The following ZBTB16 variants were observed in gnomAD, a reference collection of about 807,000 sequenced individuals.
The protein encoded by ZBTB16 is zinc finger and BTB domain containing 16.
ZBTB16 carries 8 observed loss-of-function variants against 56.8 expected under a neutral mutation model. The observed-to-expected ratio is 0.14, with a 90% CI of 0.08 to 0.25. The LOEUF (loss-of-function observed/expected upper bound fraction) is 0.25, where lower values mean the gene tolerates loss of function less well. Ranked by LOEUF, ZBTB16 falls within the 10% of genes least tolerant of loss-of-function variation. ZBTB16 has a pLI of 1.00. For synonymous variants in ZBTB16, 363 were observed against 368.5 expected (o/e 0.98, Z 0.17); for missense variants, 625 against 903.0 (o/e 0.69, Z 3.95).
chr11:114,143,008 A>G lies in ZBTB16; in HGVS notation c.1269-13329A>G, dbSNP rs1046757072. 3.5e-4 allele frequency among the ~76,000 whole-genome samples: 54 copies of G among 152,192 alleles called. No homozygotes were observed. The highest frequency in any genetic ancestry group is 2.1e-4 in the South Asian group (1 of 4,832). ...AGTGGGGCTGTGAGGGAGGCAGAAC[A>G]GGATTTTGTTTATGGGGAAATAAAG... On this transcript the variant is annotated intron_variant, in intron 2 of 6. Transcript: ENST00000335953. This position sits in a 1 kb window ranked among gnomAD's most constrained non-coding sequence, Gnocchi z 6.4.
chr11:114,220,791 G>A (rs532798009), intron 4 of ZBTB16, among the ~76,000 whole-genome samples: 52 of 152,310 alleles, frequency 3.4e-4, no homozygotes, highest in African/African-American at 1.3e-3. Flanking sequence ...CTCTAGGGAC[G>A]GTCATGAGGA....
chr11:114,200,616 G>A (rs1488422411), intron 4 of ZBTB16, among the ~76,000 whole-genome samples: 2 of 152,164 alleles, frequency 1.3e-5, no homozygotes, highest in Admixed American at 6.5e-5. Context: ...TTCTTGGGGT[G>A]ATCTGGCAGG....
At chr11:114,190,664 G>A (rs1591766075) in intron 4 of ZBTB16, among the ~76,000 whole-genome samples, 1 of 151,774 alleles carries the variant, frequency 6.6e-6, no homozygotes, top group African/African-American at 2.4e-5. Flanking sequence ...GTGTGTACAT[G>A]TATATAAATG....
chr11:114,063,968 G>C lies in ZBTB16; in HGVS notation c.668G>C (p.Gly223Ala), dbSNP rs761432881. The C allele has an allele frequency of 1.2e-6, 2 of 1,613,742 alleles. No homozygotes were observed. Among genetic ancestry groups the C allele is most frequent in the South Asian group, 2.2e-5 (2 of 91,084 alleles). The change falls in exon 2 of 7, where the codon GGG (glycine) becomes GCG (alanine). Residue 223 changes from glycine (G) to alanine (A), a missense_variant. By Grantham distance (60) the Gly-to-Ala change is moderately conservative. Coordinates refer to ENST00000335953, the MANE Select transcript of ZBTB16 (RefSeq NM_006006.6). This position sits in a 1 kb window ranked among gnomAD's most constrained non-coding sequence, Gnocchi z 6.5. The part of the protein sequence containing the change: ...LLQGTLQPPA[G>A]PEEPTLAGGG... The stretch of plus-strand genomic sequence containing the variant: ...CAGGGAACTCTTCAGCCACCTGCAG[G>C]GCCCGAGGAGCCAACTCTGGCTGGG...
At chr11:114,190,646 C>T (rs927972220) in intron 4 of ZBTB16, among the ~76,000 whole-genome samples, 1 of 151,838 alleles carries the variant, frequency 6.6e-6, no homozygotes, top group Non-Finnish European at 1.5e-5. Context: ...CTCTGAAAAG[C>T]GGCATGGGTG....
intron 2 of ZBTB16, among the ~76,000 whole-genome samples, chr11:114,083,552 C>A (rs1939854754): frequency 1.3e-5 from 2 of 152,244 alleles, no homozygotes; most frequent in Admixed American, 1.3e-4. Flanking sequence ...TTCAGATGAG[C>A]TGAGCCCTAG....
At chr11:114,067,480 C>T (rs1436385759) in intron 2 of ZBTB16, among the ~76,000 whole-genome samples, 1 of 152,146 alleles carries the variant, frequency 6.6e-6, no homozygotes, top group African/African-American at 2.4e-5. Flanking sequence ...GATCTTGGCT[C>T]ACTGCAACCT....
At position 114,250,584 on chromosome 11, in the gene ZBTB16, G is replaced by A. The variant is rs754982750; in HGVS notation, c.*29G>A. ...GAGGCCCGCGGCGGTGGAGCCGAGC[G>A]GGGAGCCAGGAAAGAAGAGTTGGAG... is the stretch of plus-strand genomic sequence containing the variant. On this transcript the variant is annotated 3_prime_UTR_variant, in exon 7 of 7. Transcript: ENST00000335953. The surrounding 1 kb of genome is among the most constrained non-coding windows in gnomAD (Gnocchi z 6.0). 8.1e-6 allele frequency: 13 copies of A among 1,610,288 alleles called. No individual in the cohort carries two copies. Among genetic ancestry groups the A allele is most frequent in the Middle Eastern group, 1.7e-4 (1 of 6,048 alleles).
At chr11:114,069,168 C>T (rs954646965) in intron 2 of ZBTB16, among the ~76,000 whole-genome samples, 1 of 152,232 alleles carries the variant, frequency 6.6e-6, no homozygotes, top group Non-Finnish European at 1.5e-5. Context: ...TCACTGCAAG[C>T]TCTGCCTCCC....
At chr11:114,186,153 G>A (rs914827599) in intron 3 of ZBTB16, among the ~76,000 whole-genome samples, 2 of 152,124 alleles carry the variant, frequency 1.3e-5, no homozygotes, top group Non-Finnish European at 1.5e-5. Flanking sequence ...GGGGGCCCGG[G>A]TATTGAAGTT....
At chr11:114,096,578 A>T (rs116439088) in intron 2 of ZBTB16, among the ~76,000 whole-genome samples, 1 of 152,178 alleles carries the variant, frequency 6.6e-6, no homozygotes, top group African/African-American at 2.4e-5. Context: ...TTGTCTCATA[A>T]GTGTGCAGTA....
chr11:114,252,776 C>T lies in ZBTB16; in HGVS notation c.*2221C>T, dbSNP rs1158718835. Among the ~76,000 whole-genome samples, 2 of 152,096 alleles carry T rather than the reference C, an allele frequency of 1.3e-5. No individual in the cohort carries two copies. The highest frequency in any genetic ancestry group is 1.5e-5 in the Non-Finnish European group (1 of 68,026). ...GCCGGAGGGATGGGTGCTGCTGCGA[C>T]GACCCCCCCGTCCCTCGGCCCCAGC... On this transcript the variant is annotated 3_prime_UTR_variant, in exon 7 of 7. Transcript: ENST00000335953.
rs1938827267 is a variant in ZBTB16 at position 114,060,988 on chromosome 11, G to T, written c.-91+1106G>T. Among the ~76,000 whole-genome samples the T allele has an allele frequency of 6.6e-6, 1 of 152,184 alleles. No individual in the cohort carries two copies. Among genetic ancestry groups the T allele is most frequent in the African/African-American group, 2.4e-5 (1 of 41,462 alleles). ...CCTCCCCTGCCGCTCTCGCCGCGGA[G>T]TCCAGCCCGCCCGGACTGTCGCCGT... On this transcript the variant is annotated intron_variant, in intron 1 of 6. Transcript: ENST00000335953. The surrounding 1 kb of genome is among the most constrained non-coding windows in gnomAD (Gnocchi z 6.0).
At chr11:114,070,340 C>T (rs1203216947) in intron 2 of ZBTB16, among the ~76,000 whole-genome samples, 1 of 151,196 alleles carries the variant, frequency 6.6e-6, no homozygotes, top group Non-Finnish European at 1.5e-5. Flanking sequence ...GATCTCCTGA[C>T]CTCATGATCC....
At chr11:114,240,657 C>T (rs917447158) in intron 4 of ZBTB16, among the ~76,000 whole-genome samples, 22 of 152,168 alleles carry the variant, frequency 1.4e-4, no homozygotes, top group African/African-American at 4.6e-4. Flanking sequence ...ACTGAGCTGC[C>T]AGTTAGGACT....
At chr11:114,243,259 A>G (rs1944749865) in intron 5 of ZBTB16, among the ~76,000 whole-genome samples, 1 of 152,228 alleles carries the variant, frequency 6.6e-6, no homozygotes, top group Non-Finnish European at 1.5e-5. Flanking sequence ...ATCTGGGTAT[A>G]TAACAGAGCG....
rs755550882 is a variant in ZBTB16, at chr11:114,160,865, G to A, written c.1366+4431G>A. Among the ~76,000 whole-genome samples, 133 of 152,208 alleles carry A rather than the reference G, an allele frequency of 8.7e-4. 1 individual carries two copies. Among genetic ancestry groups the A allele is most frequent in the Non-Finnish European group, 8.7e-4 (59 of 68,012 alleles). ...GGTTTTGGGGGTCAGAAGGGTTTGC[G>A]TGTTGGGGAAAGAGGCTTGGGGTGG... is the stretch of plus-strand genomic sequence containing the variant. On this transcript the variant is annotated intron_variant, in intron 3 of 6. Coordinates refer to ENST00000335953, the MANE Select transcript of ZBTB16 (RefSeq NM_006006.6).
chr11:114,237,774 G>C (rs1056504002), intron 4 of ZBTB16, among the ~76,000 whole-genome samples: 4 of 152,084 alleles, frequency 2.6e-5, no homozygotes, highest in Admixed American at 6.5e-5. Context: ...TTTTTAACTC[G>C]CATGCACCAA....
intron 4 of ZBTB16, among the ~76,000 whole-genome samples, chr11:114,234,807 T>C (rs1422380283): frequency 1.3e-5 from 2 of 152,236 alleles, no homozygotes; most frequent in Non-Finnish European, 2.9e-5. Flanking sequence ...AGCCTGATGC[T>C]GCTTGCCTCT....
Sources: gnomAD v4.1 joint callset for allele counts (sites outside exome capture counted in the v4.1 genomes callset) on GRCh38, gnomAD v4.1.1 for gene constraint, Gnocchi (gnomAD v3.1) non-coding constraint, MANE v1.5 for transcripts, NCBI Gene and HGNC (gene_info 2026-07-23, HGNC 2026-07-21) for gene names.